COL15A1: variants seen among roughly 807,000 people sequenced by gnomAD.
COL15A1 encodes collagen type XV alpha 1 chain.
A neutral mutation model predicts 165.9 loss-of-function variants in COL15A1; 111 were observed. That is an observed-to-expected ratio of 0.67 (90% CI 0.57 to 0.78). The LOEUF (loss-of-function observed/expected upper bound fraction) is 0.78. Ranked by LOEUF, COL15A1 falls within the 30% of genes least tolerant of loss-of-function variation. The pLI is 0.00. For synonymous variants in COL15A1, 659 were observed against 674.8 expected, an observed-to-expected ratio of 0.98 and a Z score of 0.36; for missense variants, 1,745 against 1,789.7, an observed-to-expected ratio of 0.98 and a Z score of 0.45.
chr9:98,980,548 G>A (rs1174768772), intron 2 of COL15A1, among the ~76,000 whole-genome samples: 1 of 152,218 alleles, frequency 6.6e-6, no homozygotes, highest in Non-Finnish European at 1.5e-5. Context: ...GGCATGTCAG[G>A]GAGTAGGGAG....
chr9:99,054,758 T>C (rs1353744151), intron 32 of COL15A1, 102 bp downstream of exon 32: 2 of 1,297,328 alleles, frequency 1.5e-6, no homozygotes, highest in Non-Finnish European at 2.1e-6. Context: ...CTAATGACAT[T>C]CCACCCTGAC....
chr9:99,020,921 G>A (rs1839016225), intron 12 of COL15A1, among the ~76,000 whole-genome samples: 1 of 152,250 alleles, frequency 6.6e-6, no homozygotes, highest in South Asian at 2.1e-4. Context: ...TTCTCCATCT[G>A]TAAAATGGAG....
intron 2 of COL15A1, among the ~76,000 whole-genome samples, chr9:98,974,000 G>T (rs1326898466): frequency 1.3e-5 from 2 of 152,254 alleles, no homozygotes; most frequent in African/African-American, 4.8e-5. Flanking sequence ...GTTGGTGGCA[G>T]AGTCCACCTT....
intron 24 of COL15A1, among the ~76,000 whole-genome samples, chr9:99,043,142 C>T (rs1256505650): frequency 2.6e-5 from 4 of 151,848 alleles, no homozygotes; most frequent in Admixed American, 6.6e-5. Context: ...GAACTCCTCT[C>T]GTTCTTCTCT....
In COL15A1 at chr9:99,035,117, C is replaced by G. The variant is rs567968729; in HGVS notation, c.2183C>G (p.Pro728Arg). 3 of 1,603,604 alleles carry G rather than the reference C, an allele frequency of 1.9e-6. No individual in the cohort carries two copies. Among genetic ancestry groups the G allele is most frequent in the South Asian group, 2.2e-5 (2 of 90,068 alleles). Residue 728 changes from proline (P) to arginine (R), a missense_variant, in exon 18 of 42, where the codon CCC becomes CGC. By Grantham distance (103) the Pro-to-Arg change is moderately radical (BLOSUM62 -2). Transcript: ENST00000375001. ...GPPGPPGPPGPPGPGCTMGLG... is the reference protein window; with the variant it reads ...GPPGPPGPPGRPGPGCTMGLG... ...CCAGGGCCTCCTGGACCCCCTGGGCCCCCAGGCCCTGGATGCACAATGGGA... is the reference window on the plus strand; with the variant it reads ...CCAGGGCCTCCTGGACCCCCTGGGCGCCCAGGCCCTGGATGCACAATGGGA...
intron 2 of COL15A1, among the ~76,000 whole-genome samples, chr9:98,949,955 T>A (rs1329065510): frequency 6.6e-6 from 1 of 152,246 alleles, no homozygotes. Flanking sequence ...ACCTATTGTG[T>A]CTGACTTCTT....
rs369987559 is a variant in COL15A1, at chr9:99,049,443, G to A, written c.2794-247G>A. Among the ~76,000 whole-genome samples, 107 of 152,302 alleles carry A rather than the reference G, an allele frequency of 7.0e-4. 3 individuals carry two copies. In the South Asian group the frequency reaches 0.021, roughly 30 times the overall value. ...TGAGCAGGTCACCTCCCCTCTCTGGGCCTCATTAGCTGCATGTGTTAACCA... is the reference window on the plus strand; with the variant it reads ...TGAGCAGGTCACCTCCCCTCTCTGGACCTCATTAGCTGCATGTGTTAACCA... On this transcript the variant is annotated intron_variant, in intron 28 of 41. Coordinates refer to ENST00000375001, the MANE Select transcript of COL15A1 (RefSeq NM_001855.5).
In COL15A1 at chr9:98,996,931, CAG is replaced by C. The variant is rs1292230160; in HGVS notation, c.805-2_805-1del. ...TTTTGCATCTCATTTTTCCTCCCTT[CAG>C]CCCAAAGAAGCAAAAGTTGAACCCA... On this transcript the variant is annotated splice_acceptor_variant, in intron 5 of 41. Transcript: ENST00000375001. LOFTEE classifies it high-confidence loss of function. 1 of 1,613,206 alleles carries C rather than the reference CAG, an allele frequency of 6.2e-7. No homozygotes were observed. Among genetic ancestry groups the C allele is most frequent in the African/African-American group, 1.3e-5 (1 of 74,994 alleles).
At chr9:99,028,586 G>T (rs1265223091) in intron 16 of COL15A1, among the ~76,000 whole-genome samples, 4 of 152,108 alleles carry the variant, frequency 2.6e-5, no homozygotes, top group Non-Finnish European at 5.9e-5. Flanking sequence ...GGAGCCAGAG[G>T]TTGCAGTGAA....
At chr9:99,039,824 C>T (rs1008947600) in intron 22 of COL15A1, among the ~76,000 whole-genome samples, 1 of 152,212 alleles carries the variant, frequency 6.6e-6, no homozygotes, top group East Asian at 1.9e-4. Context: ...CACACTGTGA[C>T]GCTCTGTGCA....
chr9:99,034,586 TAAAAAAAAAAAAAAAAAA>T lies in COL15A1; in HGVS notation c.2079+13_2079+30del, dbSNP rs60290557. The T allele has an allele frequency of 1.1e-5, 12 of 1,074,758 alleles. No individual in the cohort carries two copies. Among genetic ancestry groups the T allele is most frequent in the Admixed American group, 1.1e-4 (2 of 18,802 alleles). 66.6% of individuals were successfully genotyped at this position (1,074,758 alleles called of 1,614,324 possible). A position where few individuals can be genotyped will look rare whatever the true frequency, so the allele number is the denominator to read the frequency against. On this transcript the variant is annotated splice_donor_5th_base_variant and intron_variant, in intron 17 of 41. Transcript: ENST00000375001. ...CCTAATGGCTCAGTTGGTGAAAAGG[TAAAAAAAAAAAAAAAAAA>T]AAAAAAAAAAGAACTTTCTTCTCCC...
rs1225702407 is a variant in COL15A1, at chr9:99,055,276, C to A, written c.3096C>A (p.Asp1032Glu). Residue 1032 changes from aspartate to glutamate, a missense_variant, in exon 34 of 42, where the codon GAC becomes GAA. By Grantham distance (45) the Asp-to-Glu change is conservative. Transcript: ENST00000375001. ...TCTGCTTCCAGGGGGAGAATGGAGA[C>A]AAGGGGTTCAAAGGTGAAAAAGGAG... ...FLNNLKGENG[D>E]KGFKGEKGEK... The A allele has an allele frequency of 6.2e-7, 1 of 1,612,380 alleles. No individual in the cohort carries two copies. The highest frequency in any genetic ancestry group is 8.5e-7 in the Non-Finnish European group (1 of 1,178,468).
Position 99,055,299 on chromosome 9 carries a change from G to A in COL15A1, c.3119G>A (p.Gly1040Glu). Residue 1040 changes from glycine (G) to glutamate (E), a missense_variant, in exon 34 of 42, where the codon GGA becomes GAA. Physicochemically the swap from Gly to Glu is moderately conservative, Grantham distance 98. Transcript: ENST00000375001. ...NGDKGFKGEK[G>E]EKGDINGSFL... ...GACAAGGGGTTCAAAGGTGAAAAAG[G>A]AGAAAAAGGAGACATTAATGGCAGC... 6.2e-7 allele frequency: 1 copy of A among 1,613,842 alleles called. No individual in the cohort carries two copies. Among genetic ancestry groups the A allele is most frequent in the Non-Finnish European group, 8.5e-7 (1 of 1,179,760 alleles).
chr9:98,975,144 C>G (rs1227090840), intron 2 of COL15A1, among the ~76,000 whole-genome samples: 1 of 152,234 alleles, frequency 6.6e-6, no homozygotes. Flanking sequence ...CTCGCGCCTC[C>G]GTCCGGACAT....
In COL15A1 at chr9:99,024,932, C is replaced by G. The variant is rs1564065188; in HGVS notation, c.1913C>G (p.Thr638Ser). The G allele has an allele frequency of 6.2e-7, 1 of 1,614,006 alleles. No individual in the cohort carries two copies. The highest frequency in any genetic ancestry group is 1.3e-5 in the African/African-American group (1 of 75,042). ...GLPGIPGKPG[T>S]DVFMGPPGSP... is the part of the protein sequence containing the mutation. ...CCTGGGATTCCAGGAAAACCAGGAA[C>G]TGATGTTTTCATGGGACCCCCTGGA... is the stretch of plus-strand genomic sequence containing the variant. Residue 638 changes from threonine (T) to serine (S), a missense_variant, in exon 15 of 42, where the codon ACT becomes AGT. Transcript: ENST00000375001.
At chr9:98,971,287 G>T (rs1234142291) in intron 2 of COL15A1, among the ~76,000 whole-genome samples, 2 of 152,068 alleles carry the variant, frequency 1.3e-5, no homozygotes, top group East Asian at 3.9e-4. Flanking sequence ...CCCCTGACAG[G>T]CCCCTTTTTC....
intron 9 of COL15A1, among the ~76,000 whole-genome samples, chr9:99,007,081 A>G (rs1237161662): frequency 2.0e-5 from 3 of 152,182 alleles, no homozygotes; most frequent in African/African-American, 4.8e-5. Flanking sequence ...AAGCAGGACA[A>G]CTCAAAGTAG....
At chr9:99,055,791 T>C (rs1309861268) in intron 34 of COL15A1, among the ~76,000 whole-genome samples, 1 of 152,126 alleles carries the variant, frequency 6.6e-6, no homozygotes, top group Non-Finnish European at 1.5e-5. Context: ...GGATGAGAGA[T>C]TTTTCCAGGT....
Position 99,003,717 on chromosome 9 carries a change from C to T in COL15A1, c.1200+130C>T, listed in dbSNP as rs372223069. The T allele has an allele frequency of 9.2e-4, 928 of 1,013,268 alleles. 10 individuals carry two copies. In the South Asian group the frequency reaches 0.014, roughly 15 times the overall value. The allele number at this position is 1,013,268 out of a possible 1,614,324, so 62.8% of individuals were successfully genotyped here. On this transcript the variant is annotated intron_variant, in intron 8 of 41. Coordinates refer to ENST00000375001, the MANE Select transcript of COL15A1 (RefSeq NM_001855.5). ...TGACAGTCTCATGGGGGCAGTCTGTCGGAGTAAGCACTAAATAGCATTGAC... is the reference window on the plus strand; with the variant it reads ...TGACAGTCTCATGGGGGCAGTCTGTTGGAGTAAGCACTAAATAGCATTGAC...
Sources: gnomAD v4.1 joint callset for allele counts (sites outside exome capture counted in the v4.1 genomes callset) on GRCh38, gnomAD v4.1.1 for gene constraint, MANE v1.5 for transcripts, NCBI Gene and HGNC (gene_info 2026-07-23, HGNC 2026-07-21) for gene names.